Variants in SPAG16 observed in about 807,000 individuals in gnomAD.
The protein encoded by SPAG16 is sperm-associated antigen 16 protein.
Under a neutral mutation model 80.4 loss-of-function variants are expected in SPAG16, and 86 were observed. That is an observed-to-expected ratio of 1.07 (90% CI 0.90 to 1.28). The LOEUF is 1.28. Among genes scored for constraint, SPAG16 ranks in the 50% most tolerant of loss-of-function variants. The probability of loss-of-function intolerance (pLI) is 0.00; values close to 1 mark genes in which losing one functional copy is unlikely to be tolerated. For missense variants in SPAG16, 870 were observed against 765.3 expected, an observed-to-expected ratio of 1.14 and a Z score of -1.61; for synonymous variants, 294 against 265.9, an observed-to-expected ratio of 1.11 and a Z score of -1.03.
At chr2:213,648,227 G>A (rs1160375394) in intron 10 of SPAG16, among the ~76,000 whole-genome samples, 1 of 152,256 alleles carries the variant, frequency 6.6e-6, no homozygotes, top group East Asian at 1.9e-4. Flanking sequence ...ACAGATGGCA[G>A]AGCAGGTTTG....
At chr2:214,249,668 G>A (rs1199992698) in intron 15 of SPAG16, among the ~76,000 whole-genome samples, 1 of 152,062 alleles carries the variant, frequency 6.6e-6, no homozygotes, top group Non-Finnish European at 1.5e-5. Flanking sequence ...TAATGGAAAA[G>A]CACGTAAACA....
rs1255862787 is a variant in SPAG16 at position 213,296,129 on chromosome 2, G to A, written c.183+19G>A. 2 of 1,554,326 alleles carry A rather than the reference G, an allele frequency of 1.3e-6. No individual in the cohort carries two copies. Among genetic ancestry groups the A allele is most frequent in the Non-Finnish European group, 1.8e-6 (2 of 1,130,012 alleles). Reference sequence around the variant, plus strand: ...TGAAGAGGTAACATGTTAATTTTAGGTGTTTATTCTGTAAATTTATTGCAG... The same window carrying A: ...TGAAGAGGTAACATGTTAATTTTAGATGTTTATTCTGTAAATTTATTGCAG... On this transcript the variant is annotated intron_variant, in intron 2 of 15. Coordinates refer to ENST00000331683, the MANE Select transcript of SPAG16 (RefSeq NM_024532.5).
intron 9 of SPAG16, among the ~76,000 whole-genome samples, chr2:213,391,827 A>C (rs2067770467): frequency 6.6e-6 from 1 of 152,200 alleles, no homozygotes; most frequent in Non-Finnish European, 1.5e-5. Flanking sequence ...ACAATTTACC[A>C]GTAGTTTTCC....
intron 15 of SPAG16, among the ~76,000 whole-genome samples, chr2:214,244,122 T>C (rs1576582025): frequency 6.6e-6 from 1 of 152,082 alleles, no homozygotes; most frequent in African/African-American, 2.4e-5. Context: ...TACATATGTA[T>C]AGGAAATAAA....
chr2:214,113,140 T>C (rs2053759970), intron 14 of SPAG16, among the ~76,000 whole-genome samples: 1 of 152,188 alleles, frequency 6.6e-6, no homozygotes, highest in African/African-American at 2.4e-5. Flanking sequence ...ATGTTGAATA[T>C]TGTCCCCCAC....
intron 10 of SPAG16, among the ~76,000 whole-genome samples, chr2:213,592,944 G>A (rs771534967): frequency 1.5e-4 from 23 of 152,056 alleles, no homozygotes; most frequent in Non-Finnish European, 3.2e-4. Flanking sequence ...GTATTTTAAT[G>A]ATTTAAAAAC....
At chr2:213,682,797 A>G (rs1246026439) in intron 10 of SPAG16, among the ~76,000 whole-genome samples, 2 of 152,316 alleles carry the variant, frequency 1.3e-5, no homozygotes, top group East Asian at 1.9e-4. Context: ...TCATGCTGAC[A>G]TTAGTCATTA....
intron 15 of SPAG16, among the ~76,000 whole-genome samples, chr2:214,298,073 C>A (rs900468195): frequency 1.7e-5 from 1 of 59,196 alleles, no homozygotes; most frequent in African/African-American, 3.4e-5. Context: ...TAGATGTATG[C>A]CTATATATAT....
At chr2:213,459,934 A>G (rs192368393) in intron 9 of SPAG16, among the ~76,000 whole-genome samples, 5 of 152,338 alleles carry the variant, frequency 3.3e-5, no homozygotes, top group African/African-American at 1.2e-4. Flanking sequence ...CATTTCTGTA[A>G]TTGTGTGTAG....
At chr2:213,742,875 A>G (rs986793406) in intron 10 of SPAG16, among the ~76,000 whole-genome samples, 1 of 141,810 alleles carries the variant, frequency 7.1e-6, no homozygotes, top group African/African-American at 2.7e-5. Flanking sequence ...TTATTTCTTA[A>G]TTCTACAAAT....
chr2:214,312,101 A>C (rs887810230), intron 15 of SPAG16, among the ~76,000 whole-genome samples: 3 of 152,230 alleles, frequency 2.0e-5, no homozygotes, highest in Non-Finnish European at 2.9e-5. Flanking sequence ...AATATTTTAC[A>C]TGGGTTTTAG....
intron 13 of SPAG16, among the ~76,000 whole-genome samples, chr2:214,035,955 T>G (rs924447741): frequency 6.6e-6 from 1 of 152,224 alleles, no homozygotes; most frequent in East Asian, 1.9e-4. Flanking sequence ...CAGTGGCCGC[T>G]GTAGATTAAC....
chr2:214,081,665 ACTGGG>A (rs2051400618), intron 13 of SPAG16, among the ~76,000 whole-genome samples: 1 of 152,090 alleles, frequency 6.6e-6, no homozygotes, highest in South Asian at 2.1e-4. Context: ...AGTCTCCACT[ACTGGG>A]AGAAAATTCA....
chr2:213,493,936 T>C (rs2074372878), intron 10 of SPAG16, among the ~76,000 whole-genome samples: 2 of 152,192 alleles, frequency 1.3e-5, no homozygotes, highest in African/African-American at 4.8e-5. Flanking sequence ...TCCTCTGCCA[T>C]CGGGTTCTCT....
At chr2:214,226,812 C>G (rs562571188) in intron 15 of SPAG16, among the ~76,000 whole-genome samples, 1 of 152,040 alleles carries the variant, frequency 6.6e-6, no homozygotes, top group Non-Finnish European at 1.5e-5. Context: ...CTGGTTGGAG[C>G]TGATCCCCTG....
chr2:213,876,069 C>G (rs958559738), intron 11 of SPAG16, among the ~76,000 whole-genome samples: 3 of 151,870 alleles, frequency 2.0e-5, no homozygotes, highest in Non-Finnish European at 4.4e-5. Flanking sequence ...AAGAAAATAC[C>G]AGTTTCCCCA....
At chr2:213,401,263 C>G (rs1012739221) in intron 9 of SPAG16, among the ~76,000 whole-genome samples, 2 of 152,196 alleles carry the variant, frequency 1.3e-5, no homozygotes, top group Non-Finnish European at 1.5e-5. Context: ...GCGGCCATTT[C>G]CCTTGATAAT....
chr2:214,099,117 G>C (rs1338739459), intron 13 of SPAG16, among the ~76,000 whole-genome samples: 1 of 151,972 alleles, frequency 6.6e-6, no homozygotes, highest in African/African-American at 2.4e-5. Flanking sequence ...TTGTAAGCAG[G>C]GCTGTAGAAC....
chr2:214,364,879 G>A (rs145480036), intron 15 of SPAG16, among the ~76,000 whole-genome samples: 8 of 152,182 alleles, frequency 5.3e-5, no homozygotes, highest in African/African-American at 1.9e-4. Context: ...TGAGCAGAGA[G>A]GTGTACCTTT....
Sources: allele counts gnomAD v4.1 joint callset (sites outside exome capture counted in the v4.1 genomes callset), GRCh38; gene constraint gnomAD v4.1.1; transcripts MANE v1.5; gene names NCBI Gene and HGNC (gene_info 2026-07-23, HGNC 2026-07-21).